BHLHE41: variants seen among roughly 807,000 people sequenced by gnomAD.
The protein encoded by BHLHE41 is class E basic helix-loop-helix protein 41.
BHLHE41 carries 14 observed loss-of-function variants against 24.0 expected under a neutral mutation model. The ratio of observed to expected loss-of-function variants is 0.58; its 90% CI spans 0.39 to 0.91. The LOEUF (loss-of-function observed/expected upper bound fraction) is 0.91. Ranked by LOEUF, BHLHE41 falls within the 40% of genes least tolerant of loss-of-function variation. BHLHE41 has a pLI of 0.00. For synonymous variants in BHLHE41, 394 were observed against 315.5 expected (o/e 1.25, Z -2.64); for missense variants, 674 against 655.4 (o/e 1.03, Z -0.31).
In BHLHE41 at chr12:26,121,938, G is replaced by T; in HGVS notation, c.*128C>A. 2.0e-6 allele frequency: 3 copies of T among 1,534,662 alleles called. No individual in the cohort carries two copies. Among genetic ancestry groups the T allele is most frequent in the Non-Finnish European group, 2.6e-6 (3 of 1,139,524 alleles). Reference sequence around the variant, plus strand: ...TTTGTTGTTCTTGTTTATGCCTGTCGTGCATCTATTACACTTCCTCCCTTA... The same window carrying T: ...TTTGTTGTTCTTGTTTATGCCTGTCTTGCATCTATTACACTTCCTCCCTTA... On this transcript the variant is annotated 3_prime_UTR_variant, in exon 5 of 5. Transcript: ENST00000242728.
Position 26,122,636 on chromosome 12 carries a change from C to G in BHLHE41, c.879G>C (p.Pro293=). 7.8e-7 allele frequency: 1 copy of G among 1,285,414 alleles called. No individual in the cohort carries two copies. The highest frequency in any genetic ancestry group is 9.9e-7 in the Non-Finnish European group (1 of 1,014,614). The allele number at this position is 1,285,414 out of a possible 1,614,324, so 79.6% of individuals were successfully genotyped here. Residue 293 remains proline (P), a synonymous_variant, in exon 5 of 5, where the codon CCG becomes CCC. Coordinates refer to ENST00000242728, the MANE Select transcript of BHLHE41 (RefSeq NM_030762.3). ...CTGCCGCCGCCGCCGCGCCGCCCCC[C>G]GGGCCGCCGCCGCTGCCGCCGCCGC... ...DSRGGGSGGG[P]GGGAAAAAAA... is the part of the protein sequence containing the mutation.
intron 2 of BHLHE41, 69 bp downstream of exon 2, chr12:26,124,450 A>T: frequency 6.6e-7 from 1 of 1,508,474 alleles, no homozygotes; most frequent in Non-Finnish European, 9.2e-7. Context: ...GCAGAGCTTC[A>T]CTGTGAAATC....
In BHLHE41 at chr12:26,122,564, T is replaced by A; in HGVS notation, c.951A>T (p.Arg317Ser). 3 of 1,122,922 alleles carry A rather than the reference T, an allele frequency of 2.7e-6. No individual in the cohort carries two copies. Among genetic ancestry groups the A allele is most frequent in the Non-Finnish European group, 3.3e-6 (3 of 915,780 alleles). 69.6% of individuals were successfully genotyped at this position (1,122,922 alleles called of 1,614,324 possible). ...GCGAGCTGAGCAGGGCGGCGTCGGGTCTCAGCAGCGCGGCCGCGGCGGCAG... is the reference window on the plus strand; with the variant it reads ...GCGAGCTGAGCAGGGCGGCGTCGGGACTCAGCAGCGCGGCCGCGGCGGCAG... ...PDPAAAAALL[R>S]PDAALLSSLV... The change falls in exon 5 of 5, where the codon AGA becomes AGT. Residue 317 changes from arginine (R) to serine (S), a missense_variant. Transcript: ENST00000242728.
At position 26,123,616 on chromosome 12, in the gene BHLHE41, C is replaced by A; in HGVS notation, c.346+14G>T. ...GCTTCATCAGGGTAGGCTGGCCTCC[C>A]TGAACTGACTTACCATTCTGTAAAG... On this transcript the variant is annotated intron_variant, in intron 4 of 4. Transcript: ENST00000242728. 1 of 1,597,366 alleles carries A rather than the reference C, an allele frequency of 6.3e-7. No individual in the cohort carries two copies. The highest frequency in any genetic ancestry group is 8.6e-7 in the Non-Finnish European group (1 of 1,164,706).
chr12:26,124,751 T>G lies in BHLHE41; in HGVS notation c.29A>C (p.Glu10Ala), dbSNP rs1351692435. 6.2e-7 allele frequency: 1 copy of G among 1,614,224 alleles called. No individual in the cohort carries two copies. Among genetic ancestry groups the G allele is most frequent in the Non-Finnish European group, 8.5e-7 (1 of 1,180,044 alleles). Residue 10 changes from glutamate (E) to alanine (A), a missense_variant, in exon 1 of 5, where the codon GAG becomes GCG. By Grantham distance (107) the Glu-to-Ala change is moderately radical (BLOSUM62 -1). Transcript: ENST00000242728. ...ATCTCTATGTTCCAGTAACTGTCTCTCTTGCAAATGAGGAATTCCTTCGTC... is the reference window on the plus strand; with the variant it reads ...ATCTCTATGTTCCAGTAACTGTCTCGCTTGCAAATGAGGAATTCCTTCGTC... MDEGIPHLQ[E>A]RQLLEHRDFI...
intron 2 of BHLHE41, 65 bp downstream of exon 2, chr12:26,124,454 T>G: frequency 6.5e-7 from 1 of 1,532,374 alleles, no homozygotes; most frequent in Non-Finnish European, 9.0e-7. Context: ...AGCTTCACTG[T>G]GAAATCAATG....
rs961249165 is a variant in BHLHE41, at chr12:26,121,246, A to G, written c.*820T>C. 2 of 152,566 alleles carry G rather than the reference A, an allele frequency of 1.3e-5. No homozygotes were observed. Among genetic ancestry groups the G allele is most frequent in the African/African-American group, 4.8e-5 (2 of 41,444 alleles). 9.5% of individuals were successfully genotyped at this position (152,566 alleles called of 1,614,324 possible). On this transcript the variant is annotated 3_prime_UTR_variant, in exon 5 of 5. Transcript: ENST00000242728. Reference sequence around the variant, plus strand: ...CTATCTATATATGGACTTAGAAGAAATTAAGATGAGTCCATTAATTCATGG... The same window carrying G: ...CTATCTATATATGGACTTAGAAGAAGTTAAGATGAGTCCATTAATTCATGG...
rs1247374861 is a variant in BHLHE41, at chr12:26,122,326, C to T, written c.1189G>A (p.Ala397Thr). The change falls in exon 5 of 5, where the codon GCA becomes ACA. Residue 397 changes from alanine (A) to threonine (T), a missense_variant. This residue lies in a region of BHLHE41 where 602 missense variants were observed against 570.8 expected (regional missense o/e 1.05). Transcript: ENST00000242728. ...LLYPGIPAPA[A>T]AAAAAAAAAA... ...GCGGCGGCGGCGGCTGCCGCGGCTG[C>T]CGCCGGGGCGGGGATGCCGGGGTAT... The T allele has an allele frequency of 2.6e-6, 3 of 1,170,814 alleles. No individual in the cohort carries two copies. The allele number at this position is 1,170,814 out of a possible 1,614,324, so 72.5% of individuals were successfully genotyped here.
chr12:26,122,396 C>G lies in BHLHE41; in HGVS notation c.1119G>C (p.Glu373Asp). 1 of 1,271,112 alleles carries G rather than the reference C, an allele frequency of 7.9e-7. No homozygotes were observed. The highest frequency in any genetic ancestry group is 1.0e-6 in the Non-Finnish European group (1 of 999,850). 78.7% of individuals were successfully genotyped at this position (1,271,112 alleles called of 1,614,324 possible). Residue 373 changes from glutamate to aspartate, a missense_variant, in exon 5 of 5, where the codon GAG becomes GAC. Coordinates refer to ENST00000242728, the MANE Select transcript of BHLHE41 (RefSeq NM_030762.3). ...VQPFLDKSGLEKYLYPAAAAA... is the reference protein window; with the variant it reads ...VQPFLDKSGLDKYLYPAAAAA... ...CAGCCGCCGCCGGGTACAGATACTT[C>G]TCCAGGCCGCTCTTGTCCAGGAAGG... is the stretch of plus-strand genomic sequence containing the variant.
Position 26,122,754 on chromosome 12 carries a change from T to G in BHLHE41, c.761A>C (p.Lys254Thr), listed in dbSNP as rs1372700104. The G allele has an allele frequency of 1.3e-6, 2 of 1,596,882 alleles. No individual in the cohort carries two copies. The highest frequency in any genetic ancestry group is 4.6e-5 in the East Asian group (2 of 43,720). The change falls in exon 5 of 5, where the codon AAA (lysine) becomes ACA (threonine). Residue 254 changes from lysine to threonine, a missense_variant. Physicochemically the swap from Lys to Thr is moderately conservative, Grantham distance 78. This residue lies in a region of BHLHE41 where 602 missense variants were observed against 570.8 expected (regional missense o/e 1.05). Transcript: ENST00000242728. ...GCGGCTCGCCCCCGCGCCTTTGCCT[T>G]TCTCGCGGTCCGGCCGGGCCTCGGC... Reference protein sequence around the residue: ...GEAEARPDREKGKGAGASRVT... With the variant: ...GEAEARPDRETGKGAGASRVT...
chr12:26,121,764 T>C lies in BHLHE41; in HGVS notation c.*302A>G. ...GAACATGGCCTAAAAGGGGGCAAAA[T>C]TTATTTGGGGGATTAAAAAAAAGAG... On this transcript the variant is annotated 3_prime_UTR_variant, in exon 5 of 5. Coordinates refer to ENST00000242728, the MANE Select transcript of BHLHE41 (RefSeq NM_030762.3). 1 of 465,740 alleles carries C rather than the reference T, an allele frequency of 2.1e-6. No homozygotes were observed. Among genetic ancestry groups the C allele is most frequent in the South Asian group, 2.5e-5 (1 of 40,472 alleles). The allele number at this position is 465,740 out of a possible 1,614,324, so 28.9% of individuals were successfully genotyped here.
At position 26,123,223 on chromosome 12, in the gene BHLHE41, C is replaced by T. The variant is rs976956508; in HGVS notation, c.347-55G>A. The T allele has an allele frequency of 1.4e-5, 21 of 1,516,592 alleles. No individual in the cohort carries two copies. The Admixed American group carries it at 1.7e-4, about 12-fold the overall frequency. 93.9% of individuals were successfully genotyped at this position (1,516,592 alleles called of 1,614,324 possible). ...ACGGAGGAGTGGAGGCAAGAAGAAA[C>T]ATACCCACGTTAAAACATCTGCTTA... On this transcript the variant is annotated intron_variant, in intron 4 of 4. Coordinates refer to ENST00000242728, the MANE Select transcript of BHLHE41 (RefSeq NM_030762.3).
In BHLHE41 at chr12:26,124,821, T is replaced by C; in HGVS notation, c.-42A>G. The C allele has an allele frequency of 1.3e-6, 2 of 1,599,186 alleles. No individual in the cohort carries two copies. The highest frequency in any genetic ancestry group is 1.7e-6 in the Non-Finnish European group (2 of 1,166,756). ...TTTCCTCTGTTTCGATTTTTGGGGC[T>C]CTGTACAATAATCTGTGGGACGGTA... On this transcript the variant is annotated 5_prime_UTR_variant, in exon 1 of 5. Coordinates refer to ENST00000242728, the MANE Select transcript of BHLHE41 (RefSeq NM_030762.3).
In BHLHE41 at chr12:26,121,536, A is replaced by G. The variant is rs1944304820; in HGVS notation, c.*530T>C. On this transcript the variant is annotated 3_prime_UTR_variant, in exon 5 of 5. Transcript: ENST00000242728. The stretch of plus-strand genomic sequence containing the variant: ...TAAATTCAATTCTAAAAGAGCCTCA[A>G]TCTGTTTGTGGAACGCCTCCTAAAA... 6.5e-6 allele frequency: 1 copy of G among 153,316 alleles called. No individual in the cohort carries two copies. Among genetic ancestry groups the G allele is most frequent in the African/African-American group, 2.4e-5 (1 of 41,452 alleles). 9.5% of individuals were successfully genotyped at this position (153,316 alleles called of 1,614,324 possible).
chr12:26,124,446 CTTCACTGTGAAATCAATGGCTCTAA>C, intron 2 of BHLHE41, 48 bp downstream of exon 2: 1 of 1,501,850 alleles, frequency 6.7e-7, no homozygotes. Context: ...GCGGGCAGAG[CTTCACTGTGAAATCAATGGCTCTAA>C]TTAACTACCC....
chr12:26,124,406 T>C (rs188749909), intron 2 of BHLHE41, 113 bp downstream of exon 2: 8 of 1,209,130 alleles, frequency 6.6e-6, no homozygotes, highest in South Asian at 3.7e-5. Flanking sequence ...AAATTCACAG[T>C]TGGGGAAGCT....
At position 26,121,804 on chromosome 12, in the gene BHLHE41, A is replaced by G. The variant is rs1168237445; in HGVS notation, c.*262T>C. The G allele has an allele frequency of 1.3e-6, 1 of 766,706 alleles. No individual in the cohort carries two copies. Among genetic ancestry groups the G allele is most frequent in the East Asian group, 3.9e-5 (1 of 25,634 alleles). The allele number at this position is 766,706 out of a possible 1,614,324, so 47.5% of individuals were successfully genotyped here. On this transcript the variant is annotated 3_prime_UTR_variant, in exon 5 of 5. Coordinates refer to ENST00000242728, the MANE Select transcript of BHLHE41 (RefSeq NM_030762.3). ...AAAAAAAAGAGCCAGTGTCTTTCGC[A>G]TAGGATCTTTTACAGCTGGTGGGGG...
chr12:26,124,176 T>C lies in BHLHE41; in HGVS notation c.130A>G (p.Thr44Ala). Residue 44 changes from threonine to alanine, a missense_variant, in exon 3 of 5, where the codon ACC (threonine) becomes GCC (alanine). Thr to Ala is a moderately conservative substitution (Grantham distance 58). Transcript: ENST00000242728. The stretch of plus-strand genomic sequence containing the variant: ...ATTAATCTGTGCGGTAATTTGTAGG[T>C]ATCCTTAATATATGAGAGTCATGGA... ...RSMKRDDTKD[T>A]YKLPHRLIEK... The C allele has an allele frequency of 6.3e-7, 1 of 1,576,300 alleles. No individual in the cohort carries two copies. Among genetic ancestry groups the C allele is most frequent in the Non-Finnish European group, 8.7e-7 (1 of 1,146,666 alleles).
rs1489346936 is a variant in BHLHE41, at chr12:26,124,694, TTCG to T, written c.62+21_62+23del. 7.4e-6 allele frequency: 12 copies of T among 1,613,862 alleles called. No individual in the cohort carries two copies. In the Admixed American group the frequency reaches 1.7e-4, roughly 22 times the overall value. ...AATCAAACCAAAGCCTAGACAGATA[TTCG>T]CAAGGGTGCGTGCACCTTACCCTAT... is the stretch of plus-strand genomic sequence containing the variant. On this transcript the variant is annotated intron_variant, in intron 1 of 4. Coordinates refer to ENST00000242728, the MANE Select transcript of BHLHE41 (RefSeq NM_030762.3).
Sources: gnomAD v4.1 joint callset for allele counts on GRCh38, gnomAD v4.1.1 for gene constraint, gnomAD v4.1.1 regional missense constraint, MANE v1.5 for transcripts, NCBI Gene and HGNC (gene_info 2026-07-23, HGNC 2026-07-21) for gene names.